The following BMERB1 variants were observed in gnomAD, a reference collection of about 807,000 sequenced individuals.
BMERB1 encodes the protein bMERB domain containing 1.
BMERB1 carries 12 observed loss-of-function variants against 23.6 expected under a neutral mutation model. That is an observed-to-expected ratio of 0.51 (90% CI 0.33 to 0.82). BMERB1 has a LOEUF of 0.82. BMERB1 is among the 40% of genes least tolerant of loss of function. BMERB1 has a pLI of 0.03. For missense variants in BMERB1, 247 were observed against 255.4 expected, an observed-to-expected ratio of 0.97 and a Z score of 0.22; for synonymous variants, 122 against 96.6, an observed-to-expected ratio of 1.26 and a Z score of -1.54.
At chr16:15,470,583 TGGCGCGATCTCA>T (rs2051220467) in intron 1 of BMERB1, among the ~76,000 whole-genome samples, 1 of 151,694 alleles carries the variant, frequency 6.6e-6, no homozygotes, top group Non-Finnish European at 1.5e-5. Context: ...TGGAGTGCAG[TGGCGCGATCTCA>T]GCTCACTGCA....
At chr16:15,489,822 C>G (rs1309981681) in intron 1 of BMERB1, among the ~76,000 whole-genome samples, 1 of 152,116 alleles carries the variant, frequency 6.6e-6, no homozygotes, top group East Asian at 1.9e-4. Context: ...ATGTACACTT[C>G]TTTTTCACCC....
intron 1 of BMERB1, among the ~76,000 whole-genome samples, chr16:15,510,750 G>A (rs963121626): frequency 3.9e-5 from 6 of 151,988 alleles, no homozygotes; most frequent in Non-Finnish European, 8.8e-5. Context: ...CCCTCAGGCT[G>A]TAGTGTAGTG....
intron 2 of BMERB1, among the ~76,000 whole-genome samples, chr16:15,536,310 C>T (rs1051390985): frequency 2.6e-5 from 4 of 152,072 alleles, no homozygotes; most frequent in East Asian, 1.9e-4. Flanking sequence ...GCAGCCCCCC[C>T]GCCTCTGGAT....
chr16:15,545,161 C>T (rs9925685), intron 2 of BMERB1, among the ~76,000 whole-genome samples: 10,498 of 151,972 alleles, frequency 0.069, 1,166 homozygotes, highest in African/African-American at 0.23. Context: ...TTAGTAGAGA[C>T]GGGGTTTCAC....
intron 1 of BMERB1, among the ~76,000 whole-genome samples, chr16:15,477,559 A>G (rs2051284755): frequency 1.3e-5 from 2 of 152,208 alleles, no homozygotes. Flanking sequence ...TGAGCCTGGG[A>G]GGTTGAGGCT....
At chr16:15,503,273 T>C (rs2051548929) in intron 1 of BMERB1, among the ~76,000 whole-genome samples, 1 of 152,106 alleles carries the variant, frequency 6.6e-6, no homozygotes, top group Admixed American at 6.6e-5. Flanking sequence ...ATCCGGGTCT[T>C]GAACATCCAA....
chr16:15,452,876 G>A (rs1190309451), intron 1 of BMERB1, among the ~76,000 whole-genome samples: 1 of 152,218 alleles, frequency 6.6e-6, no homozygotes, highest in African/African-American at 2.4e-5. Context: ...TTTCACGGGT[G>A]AGGTGTATTC....
At chr16:15,543,032 T>A (rs2052101018) in intron 2 of BMERB1, among the ~76,000 whole-genome samples, 1 of 152,228 alleles carries the variant, frequency 6.6e-6, no homozygotes, top group Non-Finnish European at 1.5e-5. Flanking sequence ...GGTTCTTGTC[T>A]GGTGTCCAGG....
intron 1 of BMERB1, among the ~76,000 whole-genome samples, chr16:15,502,548 G>A (rs1259814462): frequency 6.6e-6 from 1 of 152,146 alleles, no homozygotes; most frequent in Non-Finnish European, 1.5e-5. Context: ...GCAAGAAGGC[G>A]AGGCACTTGG....
chr16:15,551,696 A>G (rs2030096601), intron 2 of BMERB1, among the ~76,000 whole-genome samples: 1 of 152,210 alleles, frequency 6.6e-6, no homozygotes, highest in African/African-American at 2.4e-5. Context: ...ATACTACCCG[A>G]GACTGGGTCA....
chr16:15,587,382 G>A lies in BMERB1; in HGVS notation c.*553G>A. Reference sequence around the variant, plus strand: ...GCACCACCCATATAGCAGTCCCAGAGGGCCCATCTGTAAAGATCGAGCTTG... The same window carrying A: ...GCACCACCCATATAGCAGTCCCAGAAGGCCCATCTGTAAAGATCGAGCTTG... On this transcript the variant is annotated 3_prime_UTR_variant, in exon 6 of 6. Coordinates refer to ENST00000300006, the MANE Select transcript of BMERB1 (RefSeq NM_033201.3). The A allele has an allele frequency of 3.6e-6, 1 of 276,430 alleles. No homozygotes were observed. The highest frequency in any genetic ancestry group is 1.1e-4 in the East Asian group (1 of 8,952). The allele number at this position is 276,430 out of a possible 1,614,324, so 17.1% of individuals were successfully genotyped here. A position where few individuals can be genotyped will look rare whatever the true frequency, so the allele number is the denominator to read the frequency against.
intron 1 of BMERB1, among the ~76,000 whole-genome samples, chr16:15,458,568 T>A (rs2051106839): frequency 6.6e-6 from 1 of 150,714 alleles, no homozygotes; most frequent in African/African-American, 2.4e-5. Flanking sequence ...TATGAAAAAA[T>A]TAGCTGAGTA....
At chr16:15,485,172 G>T (rs951803599) in intron 1 of BMERB1, among the ~76,000 whole-genome samples, 75 of 152,194 alleles carry the variant, frequency 4.9e-4, no homozygotes, top group African/African-American at 1.7e-3. Flanking sequence ...TTACCATGGT[G>T]GGGGAGAGGG....
chr16:15,542,985 G>A (rs2052100667), intron 2 of BMERB1, among the ~76,000 whole-genome samples: 1 of 152,138 alleles, frequency 6.6e-6, no homozygotes, highest in African/African-American at 2.4e-5. Flanking sequence ...GGAGATTCAG[G>A]GTGATAGCCT....
intron 1 of BMERB1, among the ~76,000 whole-genome samples, chr16:15,475,340 C>G (rs915331448): frequency 6.6e-6 from 1 of 152,174 alleles, no homozygotes. Context: ...CAAAAGACCA[C>G]TCTCACTTCT....
intron 1 of BMERB1, among the ~76,000 whole-genome samples, chr16:15,474,847 C>T (rs1031081159): frequency 1.3e-5 from 2 of 152,010 alleles, no homozygotes; most frequent in Non-Finnish European, 2.9e-5. Flanking sequence ...ACCACCACGT[C>T]CAGCTAATTT....
intron 2 of BMERB1, among the ~76,000 whole-genome samples, chr16:15,544,672 G>A (rs1337806634): frequency 1.3e-5 from 2 of 152,150 alleles, no homozygotes; most frequent in Admixed American, 1.3e-4. Flanking sequence ...GCCATCCTGA[G>A]ACCGTGATAG....
At chr16:15,566,623 A>C (rs2150971611) in intron 2 of BMERB1, among the ~76,000 whole-genome samples, 1 of 152,218 alleles carries the variant, frequency 6.6e-6, no homozygotes, top group East Asian at 1.9e-4. Flanking sequence ...CCAAGATCAC[A>C]CCACTGCACT....
intron 4 of BMERB1, among the ~76,000 whole-genome samples, chr16:15,582,378 GTGACAGAGTGAGATTCCATC>G (rs2031036309): frequency 6.6e-6 from 1 of 152,322 alleles, no homozygotes; most frequent in South Asian, 2.1e-4. Context: ...TCTAGCCTGG[GTGACAGAGTGAGATTCCATC>G]TCAAAAACAA....
Sources: allele counts gnomAD v4.1 joint callset (sites outside exome capture counted in the v4.1 genomes callset), GRCh38; gene constraint gnomAD v4.1.1; transcripts MANE v1.5; gene names NCBI Gene and HGNC (gene_info 2026-07-23, HGNC 2026-07-21).